Variants in NRG1 observed in about 807,000 individuals in gnomAD.
NRG1 encodes the protein pro-neuregulin-1, membrane-bound isoform.
Under a neutral mutation model 63.8 loss-of-function variants are expected in NRG1, and 18 were observed. The ratio of observed to expected loss-of-function variants is 0.28; its 90% CI spans 0.19 to 0.42. The LOEUF is 0.42. NRG1 is among the 10% of genes least tolerant of loss of function. NRG1 has a pLI of 1.00. For missense variants in NRG1, 762 were observed against 814.7 expected, an observed-to-expected ratio of 0.94 and a Z score of 0.79; for synonymous variants, 302 against 301.3, an observed-to-expected ratio of 1.00 and a Z score of -0.02.
intron 1 of NRG1, among the ~76,000 whole-genome samples, chr8:31,794,033 G>T (rs983317650): frequency 1.3e-5 from 2 of 151,358 alleles, no homozygotes; most frequent in Non-Finnish European, 2.9e-5. Context: ...ATACTTCTCT[G>T]CTGGTTCCTC....
At chr8:32,498,923 G>T (rs932374282) in intron 1 of NRG1, among the ~76,000 whole-genome samples, 1 of 152,178 alleles carries the variant, frequency 6.6e-6, no homozygotes, top group African/African-American at 2.4e-5. Flanking sequence ...TTATGCCAAA[G>T]TAGCATATTT....
chr8:32,573,793 C>T (rs536288387), intron 1 of NRG1, among the ~76,000 whole-genome samples: 2 of 152,078 alleles, frequency 1.3e-5, no homozygotes, highest in South Asian at 4.2e-4. Flanking sequence ...CTAATGCTAT[C>T]CCTCCCCGCT....
chr8:32,024,151 T>C lies in NRG1; in HGVS notation c.37+384720T>C, dbSNP rs565460983. 5.5e-3 allele frequency among the ~76,000 whole-genome samples: 838 copies of C among 152,334 alleles called. 6 individuals are homozygous for C. The highest frequency in any genetic ancestry group is 8.1e-3 in the Non-Finnish European group (553 of 68,040). Reference sequence around the variant, plus strand: ...CAGTTCCTGTTACATTCTGTGATCCTGCCTAATACAGTAATTTGATTCCAG... The same window carrying C: ...CAGTTCCTGTTACATTCTGTGATCCCGCCTAATACAGTAATTTGATTCCAG... On this transcript the variant is annotated intron_variant, in intron 1 of 10. Transcript: ENST00000519301.
chr8:31,691,594 CAAAAAAAAAAA>C (rs71208138), intron 1 of NRG1, among the ~76,000 whole-genome samples: 1 of 34,994 alleles, frequency 2.9e-5, no homozygotes, highest in South Asian at 1.9e-3. Context: ...GACTCTGTCT[CAAAAAAAAAAA>C]AAAAAAAAAA....
At chr8:32,163,056 T>A (rs1266211315) in intron 1 of NRG1, among the ~76,000 whole-genome samples, 1 of 152,178 alleles carries the variant, frequency 6.6e-6, no homozygotes, top group African/African-American at 2.4e-5. Context: ...TTTAGCTCCT[T>A]AAAAGAAAAT....
chr8:32,173,772 A>T (rs573781326), intron 1 of NRG1, among the ~76,000 whole-genome samples: 28 of 152,314 alleles, frequency 1.8e-4, no homozygotes, highest in African/African-American at 6.5e-4. Flanking sequence ...AAAGGGATCA[A>T]TTCAACAAGA....
intron 1 of NRG1, among the ~76,000 whole-genome samples, chr8:31,697,577 G>C (rs537082843): frequency 6.6e-6 from 1 of 152,062 alleles, no homozygotes. Context: ...AAGTTTGAGG[G>C]CCTCTTTCTT....
chr8:32,671,494 C>T (rs1805630904), intron 5 of NRG1, among the ~76,000 whole-genome samples: 1 of 152,138 alleles, frequency 6.6e-6, no homozygotes, highest in Non-Finnish European at 1.5e-5. Flanking sequence ...TCATTAATTA[C>T]ATCTCAAATG....
chr8:32,037,374 C>T (rs893893466), intron 1 of NRG1, among the ~76,000 whole-genome samples: 8 of 152,102 alleles, frequency 5.3e-5, no homozygotes, highest in Admixed American at 4.6e-4. Flanking sequence ...GTATGGAGAC[C>T]CCTGTTGGGA....
rs1034198991 is a variant in NRG1, at chr8:32,726,206, G to C, written c.503-1743G>C. On this transcript the variant is annotated intron_variant, in intron 5 of 11. Transcript: ENST00000356819. ...TCTCCTTTAAAAAAATAAATAAATA[G>C]CATACATCTTTGAAGTCCCCAGATT... Among the ~76,000 whole-genome samples the C allele has an allele frequency of 5.3e-5, 8 of 152,024 alleles. No homozygotes were observed. In the East Asian group the frequency reaches 1.6e-3, roughly 29 times the overall value.
chr8:31,910,605 A>C (rs1029667741), intron 1 of NRG1, among the ~76,000 whole-genome samples: 9 of 152,202 alleles, frequency 5.9e-5, no homozygotes, highest in African/African-American at 1.9e-4. Flanking sequence ...TCTCAGTAGA[A>C]GATTTCAAGC....
rs1487423197 is a variant in NRG1, at chr8:32,647,240, G to A, written c.502+30355G>A. 4 of 985,154 alleles carry A rather than the reference G, an allele frequency of 4.1e-6. No homozygotes were observed. In the African/African-American group the frequency reaches 5.2e-5, roughly 13 times the overall value. 61.0% of individuals were successfully genotyped at this position (985,154 alleles called of 1,614,324 possible). ...TGTCACTACTGCCTCTCCTGCCGCC[G>A]CTGCTGCTGCCGCCGCCGCCACCGC... is the stretch of plus-strand genomic sequence containing the variant. On this transcript the variant is annotated intron_variant, in intron 5 of 11. Transcript: ENST00000356819.
At position 32,618,201 on chromosome 8, in the gene NRG1, C is replaced by CT. The variant is rs941503044; in HGVS notation, c.502+1327dup. 3.6e-3 allele frequency among the ~76,000 whole-genome samples: 521 copies of CT among 145,736 alleles called. 4 individuals are homozygous for CT. The highest frequency in any genetic ancestry group is 0.012 in the African/African-American group (479 of 39,806). The stretch of plus-strand genomic sequence containing the variant: ...GCTAGCATCCAGGAATCACATTGAG[C>CT]TTTTTTTTTTTAAGTGTTTATTCTG... On this transcript the variant is annotated intron_variant, in intron 5 of 11. Transcript: ENST00000356819.
chr8:32,714,658 T>C (rs1818711462), intron 5 of NRG1, among the ~76,000 whole-genome samples: 2 of 152,230 alleles, frequency 1.3e-5, no homozygotes, highest in Admixed American at 6.5e-5. Flanking sequence ...CAGTTCCAGA[T>C]CATTTCTTCT....
chr8:32,074,151 C>G (rs1826158546), intron 1 of NRG1, among the ~76,000 whole-genome samples: 1 of 152,120 alleles, frequency 6.6e-6, no homozygotes, highest in Non-Finnish European at 1.5e-5. Context: ...CTAAATATAA[C>G]TTATTAATTT....
chr8:31,937,247 T>C (rs543205908), intron 1 of NRG1, among the ~76,000 whole-genome samples: 1 of 152,298 alleles, frequency 6.6e-6, no homozygotes, highest in Non-Finnish European at 1.5e-5. Context: ...AACATGTAAA[T>C]AAATGATGAG....
intron 1 of NRG1, among the ~76,000 whole-genome samples, chr8:31,666,777 A>G (rs1421979497): frequency 2.0e-5 from 3 of 152,214 alleles, no homozygotes; most frequent in Non-Finnish European, 4.4e-5. Context: ...GGGCTCTTCC[A>G]TCTGACATCC....
intron 1 of NRG1, among the ~76,000 whole-genome samples, chr8:31,947,094 A>G (rs1257073929): frequency 2.0e-5 from 3 of 151,856 alleles, no homozygotes; most frequent in Non-Finnish European, 4.4e-5. Context: ...AGGTCAGGAG[A>G]TCGAGACCAT....
intron 1 of NRG1, among the ~76,000 whole-genome samples, chr8:31,684,245 G>A (rs1046116383): frequency 5.3e-5 from 8 of 152,168 alleles, no homozygotes; most frequent in South Asian, 2.1e-4. Flanking sequence ...GATCTCCAAT[G>A]TAACAGTATT....
Sources: gnomAD v4.1 joint callset for allele counts (sites outside exome capture counted in the v4.1 genomes callset) on GRCh38, gnomAD v4.1.1 for gene constraint, MANE v1.5 for transcripts, NCBI Gene and HGNC (gene_info 2026-07-23, HGNC 2026-07-21) for gene names.